PCDHGA6: variants seen among roughly 807,000 people sequenced by gnomAD.
PCDHGA6 encodes the protein protocadherin gamma subfamily A, 6.
In PCDHGA6, 41 loss-of-function variants were observed where a neutral mutation model predicts 60.6. The observed-to-expected ratio is 0.68, with a 90% CI of 0.53 to 0.88. PCDHGA6 has a LOEUF of 0.88. Ranked by LOEUF, PCDHGA6 falls within the 40% of genes least tolerant of loss-of-function variation. The pLI is 0.00. For missense variants in PCDHGA6, 1,312 were observed against 1,203.0 expected, an observed-to-expected ratio of 1.09 and a Z score of -1.34; for synonymous variants, 594 against 524.4, an observed-to-expected ratio of 1.13 and a Z score of -1.81.
At chr5:141,413,355 C>G in intron 1 of PCDHGA6, 1 of 1,613,952 alleles carries the variant, frequency 6.2e-7, no homozygotes, top group Non-Finnish European at 8.5e-7. Context: ...GTCTGGCGCC[C>G]CGGGAGCTGG....
At position 141,375,745 on chromosome 5, in the gene PCDHGA6, C is replaced by T. The variant is rs753247365; in HGVS notation, c.1662C>T (p.Asp554=). 4 of 1,614,238 alleles carry T rather than the reference C, an allele frequency of 2.5e-6. No individual in the cohort carries two copies. The highest frequency in any genetic ancestry group is 3.3e-5 in the Admixed American group (2 of 60,036). The change falls in exon 1 of 4, where the codon GAC becomes GAT. Residue 554 remains aspartate (D), a synonymous_variant. Transcript: ENST00000517434. The part of the protein sequence containing the change: ...SNVSLSLFVL[D]QNDNAPEILY... ...TGTCACTGAGCCTGTTTGTGCTGGA[C>T]CAGAATGACAATGCGCCCGAGATCC...
At chr5:141,445,751 G>A (rs1211416281) in intron 1 of PCDHGA6, among the ~76,000 whole-genome samples, 1 of 152,102 alleles carries the variant, frequency 6.6e-6, no homozygotes, top group East Asian at 1.9e-4. Context: ...AAAAATAAAA[G>A]GTGTGACTCA....
chr5:141,415,077 A>C, intron 1 of PCDHGA6: 2 of 1,613,468 alleles, frequency 1.2e-6, no homozygotes, highest in Non-Finnish European at 1.7e-6. Flanking sequence ...GCACGGCGCG[A>C]GCCCTGCTGG....
intron 1 of PCDHGA6, chr5:141,419,932 C>T: frequency 6.2e-7 from 1 of 1,614,090 alleles, no homozygotes; most frequent in Non-Finnish European, 8.5e-7. Flanking sequence ...TGCAGTTTTA[C>T]CTGGTGGTGG....
At chr5:141,390,385 C>A in intron 1 of PCDHGA6, 1 of 1,430,582 alleles carries the variant, frequency 7.0e-7, no homozygotes, top group Non-Finnish European at 9.5e-7. Context: ...TTTTAGATGT[C>A]ATGGATCATT....
At chr5:141,399,979 C>A (rs1402446986) in intron 1 of PCDHGA6, 5 of 1,612,154 alleles carry the variant, frequency 3.1e-6, no homozygotes, top group Non-Finnish European at 4.2e-6. Context: ...CCTGGGGCTG[C>A]GCACAGGAGA....
chr5:141,511,140 C>T lies in PCDHGA6; in HGVS notation c.2766C>T (p.Asn922=). Reference sequence around the variant, plus strand: ...AGGCCCCAGCAGGTGGCAATGGCAACAAGAAGAAGTCGGGCAAGAAGGAGA... The same window carrying T: ...AGGCCCCAGCAGGTGGCAATGGCAATAAGAAGAAGTCGGGCAAGAAGGAGA... ...DGKAPAGGNG[N]KKKSGKKEKK is the part of the protein sequence containing the mutation. Residue 922 remains asparagine (N), a synonymous_variant, in exon 4 of 4, where the codon AAC becomes AAT. Transcript: ENST00000517434. The T allele has an allele frequency of 1.2e-6, 2 of 1,614,186 alleles. No homozygotes were observed. The highest frequency in any genetic ancestry group is 1.3e-5 in the African/African-American group (1 of 75,050).
At chr5:141,510,404 G>T (rs1596286932) in intron 3 of PCDHGA6, among the ~76,000 whole-genome samples, 2 of 152,252 alleles carry the variant, frequency 1.3e-5, no homozygotes, top group East Asian at 3.9e-4. Context: ...AAAGGCTAGG[G>T]GCATGTAAAG....
chr5:141,431,435 GC>G lies in PCDHGA6; in HGVS notation c.2424+54929del. On this transcript the variant is annotated intron_variant, in intron 1 of 3. Coordinates refer to ENST00000517434, the MANE Select transcript of PCDHGA6 (RefSeq NM_018919.3). The surrounding 1 kb of genome is among the most constrained non-coding windows in gnomAD (Gnocchi z 4.8). The stretch of plus-strand genomic sequence containing the variant: ...GGGCGACCCGGTGCGCACAGGCACC[GC>G]GCGCATCCGCGTGATGGTTCTGGAT... 1.9e-6 allele frequency: 3 copies of G among 1,613,668 alleles called. No individual in the cohort carries two copies. The highest frequency in any genetic ancestry group is 2.5e-6 in the Non-Finnish European group (3 of 1,180,026).
intron 1 of PCDHGA6, chr5:141,433,025 G>A: frequency 6.2e-7 from 1 of 1,614,144 alleles, no homozygotes; most frequent in Non-Finnish European, 8.5e-7. Context: ...CTATTCCCAC[G>A]AGGTTTCCCT....
At chr5:141,383,630 T>A in intron 1 of PCDHGA6, 3 of 1,613,986 alleles carry the variant, frequency 1.9e-6, no homozygotes, top group Non-Finnish European at 1.7e-6. Context: ...GTCTTCTCTC[T>A]GCCTCAGTAC....
At position 141,415,074 on chromosome 5, in the gene PCDHGA6, G is replaced by C; in HGVS notation, c.2424+38567G>C. 3 of 1,613,448 alleles carry C rather than the reference G, an allele frequency of 1.9e-6. No homozygotes were observed. In the South Asian group the frequency reaches 3.3e-5, roughly 18 times the overall value. On this transcript the variant is annotated intron_variant, in intron 1 of 3. Coordinates refer to ENST00000517434, the MANE Select transcript of PCDHGA6 (RefSeq NM_018919.3). ...AGCACACGGGCGAGGTGCGCACGGCGCGAGCCCTGCTGGACAGAGACGCGC... is the reference window on the plus strand; with the variant it reads ...AGCACACGGGCGAGGTGCGCACGGCCCGAGCCCTGCTGGACAGAGACGCGC...
chr5:141,428,227 A>T (rs2154552643), intron 1 of PCDHGA6: 1 of 1,100,784 alleles, frequency 9.1e-7, no homozygotes, highest in Admixed American at 1.9e-5. Context: ...CTTCGCAGAC[A>T]GCCTGCAGGA....
In PCDHGA6 at chr5:141,491,534, G is replaced by A. The variant is rs376996144; in HGVS notation, c.2425-3273G>A. On this transcript the variant is annotated intron_variant, in intron 1 of 3. Coordinates refer to ENST00000517434, the MANE Select transcript of PCDHGA6 (RefSeq NM_018919.3). This position sits in a 1 kb window ranked among gnomAD's most constrained non-coding sequence, Gnocchi z 6.9. The stretch of plus-strand genomic sequence containing the variant: ...CTCAAGTACATGGAGGTGACGCTGC[G>A]GCCCACAGACTCGCAGAGCCACTGC... The A allele has an allele frequency of 6.2e-7, 1 of 1,614,030 alleles. No homozygotes were observed. The highest frequency in any genetic ancestry group is 8.5e-7 in the Non-Finnish European group (1 of 1,180,028).
chr5:141,497,693 C>T (rs2099778709), intron 2 of PCDHGA6, among the ~76,000 whole-genome samples: 2 of 152,136 alleles, frequency 1.3e-5, no homozygotes, highest in Admixed American at 6.5e-5. Context: ...GTGTGCACCA[C>T]CACACCCAGC....
chr5:141,434,132 G>A (rs2097674012), intron 1 of PCDHGA6, among the ~76,000 whole-genome samples: 1 of 152,194 alleles, frequency 6.6e-6, no homozygotes, highest in South Asian at 2.1e-4. Context: ...CCTTTAGGCT[G>A]ATTTCTATGT....
chr5:141,431,273 C>T lies in PCDHGA6; in HGVS notation c.2424+54766C>T, dbSNP rs752219345. 54 of 1,614,068 alleles carry T rather than the reference C, an allele frequency of 3.3e-5. No individual in the cohort carries two copies. Among genetic ancestry groups the T allele is most frequent in the Non-Finnish European group, 4.1e-5 (48 of 1,180,052 alleles). On this transcript the variant is annotated intron_variant, in intron 1 of 3. Transcript: ENST00000517434. The surrounding 1 kb of genome is among the most constrained non-coding windows in gnomAD (Gnocchi z 4.8). Reference sequence around the variant, plus strand: ...GAAGAACTCTCTGCAGAGCTACGAGCTCAGCCCGAACACTCACTTCTCCCT... The same window carrying T: ...GAAGAACTCTCTGCAGAGCTACGAGTTCAGCCCGAACACTCACTTCTCCCT...
In PCDHGA6 at chr5:141,489,610, C is replaced by A; in HGVS notation, c.2425-5197C>A. 6.2e-7 allele frequency: 1 copy of A among 1,614,090 alleles called. No individual in the cohort carries two copies. Among genetic ancestry groups the A allele is most frequent in the Non-Finnish European group, 8.5e-7 (1 of 1,179,990 alleles). ...GCTAATCCGTGTAGAGGTAGAGATCCTGGATCTCAATGACAACTCTCCTAG... is the reference window on the plus strand; with the variant it reads ...GCTAATCCGTGTAGAGGTAGAGATCATGGATCTCAATGACAACTCTCCTAG... On this transcript the variant is annotated intron_variant, in intron 1 of 3. Transcript: ENST00000517434. The surrounding 1 kb of genome is among the most constrained non-coding windows in gnomAD (Gnocchi z 4.5).
At chr5:141,413,724 C>T (rs751084568) in intron 1 of PCDHGA6, 2 of 1,613,426 alleles carry the variant, frequency 1.2e-6, no homozygotes, top group East Asian at 2.2e-5. Context: ...AGCACTTCTC[C>T]CTAAGAGTTC....
Sources: allele counts gnomAD v4.1 joint callset (sites outside exome capture counted in the v4.1 genomes callset), GRCh38; gene constraint gnomAD v4.1.1; non-coding constraint Gnocchi (gnomAD v3.1); transcripts MANE v1.5; gene names NCBI Gene and HGNC (gene_info 2026-07-23, HGNC 2026-07-21).